The following LYN variants were observed in gnomAD, a reference collection of about 807,000 sequenced individuals.
The protein encoded by LYN is tyrosine-protein kinase Lyn.
In LYN, 12 loss-of-function variants were observed where a neutral mutation model predicts 65.0. That is an observed-to-expected ratio of 0.18 (90% CI 0.12 to 0.30). The LOEUF (loss-of-function observed/expected upper bound fraction) is 0.30, where lower values mean the gene tolerates loss of function less well. LYN is among the 10% of genes least tolerant of loss of function. The probability of loss-of-function intolerance (pLI) is 1.00; values close to 1 mark genes in which losing one functional copy is unlikely to be tolerated. For missense variants in LYN, 380 were observed against 623.2 expected (o/e 0.61, Z 4.16); for synonymous variants, 222 against 221.2 (o/e 1.00, Z -0.03).
intron 1 of LYN, among the ~76,000 whole-genome samples, chr8:55,911,158 T>C (rs1160426773): frequency 4.2e-5 from 1 of 23,984 alleles, no homozygotes; most frequent in African/African-American, 1.5e-4. Flanking sequence ...TATATATATG[T>C]ACATATATAT....
At chr8:55,966,989 T>A in intron 9 of LYN, 92 bp downstream of exon 9, 2 of 1,169,172 alleles carry the variant, frequency 1.7e-6, no homozygotes, top group East Asian at 2.5e-5. Context: ...CTAGTTTAAT[T>A]ATCAAACAGT....
In LYN at chr8:55,972,689, C is replaced by T. The variant is rs145631745; in HGVS notation, c.1050+2896C>T. 5.4e-3 allele frequency among the ~76,000 whole-genome samples: 823 copies of T among 152,308 alleles called. 9 individuals carry two copies. Among genetic ancestry groups the T allele is most frequent in the African/African-American group, 0.018 (753 of 41,556 alleles). On this transcript the variant is annotated intron_variant, in intron 10 of 12. Coordinates refer to ENST00000519728, the MANE Select transcript of LYN (RefSeq NM_002350.4). ...ATCATGTGCCACTAATTAAATCTATCACTTTTCCATAGTGCATAACATGAC... is the reference window on the plus strand; with the variant it reads ...ATCATGTGCCACTAATTAAATCTATTACTTTTCCATAGTGCATAACATGAC...
At chr8:55,886,791 T>C (rs1804810061) in intron 1 of LYN, among the ~76,000 whole-genome samples, 1 of 152,234 alleles carries the variant, frequency 6.6e-6, no homozygotes, top group Non-Finnish European at 1.5e-5. Flanking sequence ...ATGTGATAAT[T>C]TAATACATCA....
At chr8:55,995,635 G>A (rs1486127816) in intron 10 of LYN, among the ~76,000 whole-genome samples, 4 of 152,092 alleles carry the variant, frequency 2.6e-5, no homozygotes, top group Non-Finnish European at 5.9e-5. Context: ...CATGGCTTCC[G>A]GGAGAAGTAA....
At chr8:55,963,393 G>A (rs1585644568) in intron 8 of LYN, among the ~76,000 whole-genome samples, 1 of 152,192 alleles carries the variant, frequency 6.6e-6, no homozygotes, top group South Asian at 2.1e-4. Flanking sequence ...AGAGATGTGG[G>A]CCCCAAGGCA....
At chr8:55,920,960 G>A (rs1805931762) in intron 1 of LYN, among the ~76,000 whole-genome samples, 1 of 152,160 alleles carries the variant, frequency 6.6e-6, no homozygotes, top group Non-Finnish European at 1.5e-5. Context: ...GCCTCCCAAA[G>A]TGCTGGGATT....
At chr8:55,975,469 T>G (rs1807726765) in intron 10 of LYN, among the ~76,000 whole-genome samples, 1 of 152,198 alleles carries the variant, frequency 6.6e-6, no homozygotes, top group South Asian at 2.1e-4. Flanking sequence ...TTATTTAGAC[T>G]ATCTATGTGA....
chr8:55,913,879 A>T (rs370653906), intron 1 of LYN, among the ~76,000 whole-genome samples: 1 of 152,180 alleles, frequency 6.6e-6, no homozygotes, highest in East Asian at 1.9e-4. Context: ...GCCTTGGAGT[A>T]CTGGGCTTTC....
intron 4 of LYN, among the ~76,000 whole-genome samples, chr8:55,949,796 C>T (rs1356455001): frequency 1.3e-5 from 2 of 152,156 alleles, no homozygotes; most frequent in African/African-American, 4.8e-5. Context: ...TACAATCCAT[C>T]TACTTAAAGT....
chr8:55,886,241 C>CT (rs34839284), intron 1 of LYN, among the ~76,000 whole-genome samples: 49,547 of 133,416 alleles, frequency 0.37, 9,704 homozygotes, highest in East Asian at 0.48. Context: ...TGTCAAACAT[C>CT]TTTTTTTTTT....
intron 1 of LYN, 148 bp from the exon 2 acceptor site, chr8:55,941,707 G>C (rs533607912): frequency 2.8e-4 from 152 of 550,530 alleles, no homozygotes; most frequent in Admixed American, 9.3e-4. Flanking sequence ...AAACCTATTT[G>C]GGAACAGTAT....
At chr8:55,942,058 C>T in intron 2 of LYN, 67 bp downstream of exon 2, 1 of 1,545,920 alleles carries the variant, frequency 6.5e-7, no homozygotes, top group East Asian at 2.3e-5. Context: ...AATTTAAACA[C>T]CAGTCTGTAA....
At chr8:55,908,026 T>TC (rs1320919360) in intron 1 of LYN, among the ~76,000 whole-genome samples, 1 of 152,118 alleles carries the variant, frequency 6.6e-6, no homozygotes, top group African/African-American at 2.4e-5. Context: ...GTTTAGAAAC[T>TC]CCAACAGTTC....
rs55992019 is a variant in LYN, at chr8:55,942,395, G to A, written c.132+404G>A. Among the ~76,000 whole-genome samples the A allele has an allele frequency of 2.1e-3, 274 of 130,516 alleles. 5 individuals carry two copies. Among genetic ancestry groups the A allele is most frequent in the African/African-American group, 6.4e-3 (202 of 31,704 alleles). 85.6% of individuals were successfully genotyped at this position (130,516 alleles called of 152,430 possible). ...TATATATATGTGTATATATATATGT[G>A]TATATATGTGTATATATATGTGTGT... On this transcript the variant is annotated intron_variant, in intron 2 of 12. Coordinates refer to ENST00000519728, the MANE Select transcript of LYN (RefSeq NM_002350.4).
chr8:55,959,763 T>C (rs1393426900), intron 8 of LYN, among the ~76,000 whole-genome samples: 2 of 152,008 alleles, frequency 1.3e-5, no homozygotes, highest in Non-Finnish European at 2.9e-5. Flanking sequence ...GTCCATCAGA[T>C]GATGAATGGG....
chr8:55,898,381 C>T (rs774302142), intron 1 of LYN, among the ~76,000 whole-genome samples: 8 of 152,138 alleles, frequency 5.3e-5, no homozygotes, highest in Admixed American at 2.6e-4. Flanking sequence ...CTCCGCCTTC[C>T]GTGTTCAAGC....
At chr8:55,918,366 G>C (rs1174861161) in intron 1 of LYN, among the ~76,000 whole-genome samples, 1 of 152,208 alleles carries the variant, frequency 6.6e-6, no homozygotes, top group Non-Finnish European at 1.5e-5. Context: ...TAAAAACACT[G>C]ATGCCCAGGC....
At chr8:55,965,999 C>T (rs559004177) in intron 8 of LYN, among the ~76,000 whole-genome samples, 1 of 152,088 alleles carries the variant, frequency 6.6e-6, no homozygotes, top group Admixed American at 6.6e-5. Flanking sequence ...GTGGTGGGCA[C>T]CTGTAAACCC....
chr8:55,886,658 C>T (rs1275586285), intron 1 of LYN, among the ~76,000 whole-genome samples: 1 of 152,210 alleles, frequency 6.6e-6, no homozygotes, highest in African/African-American at 2.4e-5. Flanking sequence ...TCTGGTGGAA[C>T]AGCCCCTCCC....
Sources: gnomAD v4.1 joint callset for allele counts (sites outside exome capture counted in the v4.1 genomes callset) on GRCh38, gnomAD v4.1.1 for gene constraint, MANE v1.5 for transcripts, NCBI Gene and HGNC (gene_info 2026-07-23, HGNC 2026-07-21) for gene names.